HCN1: variants seen among roughly 807,000 people sequenced by gnomAD.
HCN1 encodes the protein potassium/sodium hyperpolarization-activated cyclic nucleotide-gated channel 1.
Under a neutral mutation model 78.9 loss-of-function variants are expected in HCN1, and 13 were observed. The ratio of observed to expected loss-of-function variants is 0.16; its 90% confidence interval spans 0.11 to 0.26. The LOEUF (loss-of-function observed/expected upper bound fraction) is 0.26. Among genes scored for constraint, HCN1 ranks in the 10% least tolerant of loss-of-function variants. The pLI, the probability that HCN1 is intolerant of heterozygous loss-of-function variation, is 1.00. For synonymous variants in HCN1, 552 were observed against 455.5 expected (o/e 1.21, Z -2.70); for missense variants, 810 against 1,154.3 (o/e 0.70, Z 4.32).
At chr5:45,348,518 A>T (rs1308470728) in intron 5 of HCN1, among the ~76,000 whole-genome samples, 4 of 152,222 alleles carry the variant, frequency 2.6e-5, no homozygotes, top group Non-Finnish European at 2.9e-5. Flanking sequence ...ACATAACGAT[A>T]TTAACTTTAA....
intron 5 of HCN1, among the ~76,000 whole-genome samples, chr5:45,332,152 C>G (rs959699515): frequency 6.7e-6 from 1 of 150,050 alleles, no homozygotes; most frequent in African/African-American, 2.4e-5. Flanking sequence ...AGAAGCTTTA[C>G]CTAGCACAGG....
chr5:45,621,081 C>A (rs1433640680), intron 2 of HCN1, among the ~76,000 whole-genome samples: 1 of 152,102 alleles, frequency 6.6e-6, no homozygotes, highest in African/African-American at 2.4e-5. Context: ...TCTTTTTCAC[C>A]AGCCTTCTCA....
chr5:45,519,391 C>T (rs1474766393), intron 2 of HCN1, among the ~76,000 whole-genome samples: 1 of 151,968 alleles, frequency 6.6e-6, no homozygotes, highest in Non-Finnish European at 1.5e-5. Flanking sequence ...CACACACTGT[C>T]CTTTCTAGAG....
chr5:45,629,477 T>A (rs1042549965), intron 2 of HCN1, among the ~76,000 whole-genome samples: 7 of 152,198 alleles, frequency 4.6e-5, no homozygotes, highest in South Asian at 2.1e-4. Context: ...CAGAGTAAGG[T>A]GTAAAACTCA....
At chr5:45,606,323 A>G (rs1561217813) in intron 2 of HCN1, among the ~76,000 whole-genome samples, 1 of 152,008 alleles carries the variant, frequency 6.6e-6, no homozygotes, top group Non-Finnish European at 1.5e-5. Flanking sequence ...GTGCATATAT[A>G]TGTATATCAT....
In HCN1 at chr5:45,578,308, T is replaced by A. The variant is rs77927497; in HGVS notation, c.849+66877A>T. 8.7e-4 allele frequency among the ~76,000 whole-genome samples: 132 copies of A among 152,022 alleles called. No individual in the cohort carries two copies. The East Asian group carries it at 0.02, about 23-fold the overall frequency. On this transcript the variant is annotated intron_variant, in intron 2 of 7. Coordinates refer to ENST00000303230, the MANE Select transcript of HCN1 (RefSeq NM_021072.4). Reference sequence around the variant, plus strand: ...GCTGGAAACATATTCCAAGCAGTGATTAGGCGGTCTCTTCTTGGAAGTGAA... The same window carrying A: ...GCTGGAAACATATTCCAAGCAGTGAATAGGCGGTCTCTTCTTGGAAGTGAA...
chr5:45,372,961 TAA>T (rs1209495056), intron 4 of HCN1, among the ~76,000 whole-genome samples: 1 of 136,594 alleles, frequency 7.3e-6, no homozygotes. Flanking sequence ...ATTTTATACA[TAA>T]AAGATATAAA....
intron 2 of HCN1, among the ~76,000 whole-genome samples, chr5:45,577,829 AC>A (rs1743980242): frequency 7.5e-6 from 1 of 133,124 alleles, no homozygotes; most frequent in African/African-American, 2.8e-5. Context: ...TGTTCTTTGA[AC>A]TGAATTTGAA....
At chr5:45,498,433 C>G (rs1212602243) in intron 2 of HCN1, among the ~76,000 whole-genome samples, 2 of 152,150 alleles carry the variant, frequency 1.3e-5, no homozygotes, top group Non-Finnish European at 2.9e-5. Flanking sequence ...GTTTTCAGCT[C>G]CATCAGCTCC....
chr5:45,629,024 ATATAT>A (rs1561225558), intron 2 of HCN1, among the ~76,000 whole-genome samples: 2 of 151,668 alleles, frequency 1.3e-5, no homozygotes, highest in Non-Finnish European at 2.9e-5. Context: ...ATTAAAAAAC[ATATAT>A]TATACAATTA....
chr5:45,640,723 C>T (rs1283746724), intron 2 of HCN1, among the ~76,000 whole-genome samples: 2 of 151,680 alleles, frequency 1.3e-5, no homozygotes, highest in Non-Finnish European at 2.9e-5. Context: ...TACAGGCACC[C>T]GCCACCATGC....
intron 2 of HCN1, among the ~76,000 whole-genome samples, chr5:45,520,336 T>C (rs557447360): frequency 1.8e-4 from 27 of 152,104 alleles, no homozygotes; most frequent in Middle Eastern, 3.4e-3. Flanking sequence ...TAGGGATTAA[T>C]TGGAAATTAA....
intron 4 of HCN1, among the ~76,000 whole-genome samples, chr5:45,373,190 GTATTTTATATATTTTATA>G (rs1244191663): frequency 8.7e-6 from 1 of 114,956 alleles, no homozygotes; most frequent in Non-Finnish European, 1.7e-5. Flanking sequence ...TGAAATATAT[GTATTTTATATATTTTATA>G]TATGTTATAT....
chr5:45,465,048 C>T (rs944393402), intron 2 of HCN1, among the ~76,000 whole-genome samples: 4 of 152,098 alleles, frequency 2.6e-5, no homozygotes, highest in Non-Finnish European at 5.9e-5. Context: ...ATAAGGTGGA[C>T]ATTCTTAAGT....
intron 6 of HCN1, among the ~76,000 whole-genome samples, chr5:45,275,012 G>A (rs1004110084): frequency 6.6e-6 from 1 of 152,098 alleles, no homozygotes; most frequent in Non-Finnish European, 1.5e-5. Flanking sequence ...TTGGGAGGCC[G>A]AGGGGGGCAG....
intron 2 of HCN1, among the ~76,000 whole-genome samples, chr5:45,545,258 C>T (rs1182803986): frequency 6.6e-6 from 1 of 152,104 alleles, no homozygotes; most frequent in Admixed American, 6.5e-5. Context: ...TGAGAAGTGT[C>T]TGTTCATATC....
intron 6 of HCN1, among the ~76,000 whole-genome samples, chr5:45,275,577 T>C (rs1320296237): frequency 6.6e-6 from 1 of 152,168 alleles, no homozygotes; most frequent in Non-Finnish European, 1.5e-5. Flanking sequence ...TGTAACTCCT[T>C]CAGCTTGCAT....
In HCN1 at chr5:45,371,908, A is replaced by ATTAT. The variant is rs1561127574; in HGVS notation, c.1231-18663_1231-18662insATAA. Among the ~76,000 whole-genome samples, 262 of 104,378 alleles carry ATTAT rather than the reference A, an allele frequency of 2.5e-3. 3 individuals carry two copies. The highest frequency in any genetic ancestry group is 9.6e-3 in the African/African-American group (244 of 25,388). The allele number at this position is 104,378 out of a possible 152,430, so 68.5% of individuals were successfully genotyped here. A position where few individuals can be genotyped will look rare whatever the true frequency, so the allele number is the denominator to read the frequency against. On this transcript the variant is annotated intron_variant, in intron 4 of 7. Coordinates refer to ENST00000303230, the MANE Select transcript of HCN1 (RefSeq NM_021072.4). Reference sequence around the variant, plus strand: ...ATAAATATAATATACATTATATTATAAAAAATATATAATATACATTATATT... The same window carrying ATTAT: ...ATAAATATAATATACATTATATTATATTATAAAAATATATAATATACATTATATT...
chr5:45,256,189 G>A lies in HCN1; in HGVS notation c.*5732C>T, dbSNP rs1744610094. ...GGTTCGAGACCGGCCTGGCCAACAT[G>A]GTAAAACCCTGTCTCTACTAAAAAT... On this transcript the variant is annotated 3_prime_UTR_variant, in exon 8 of 8. Transcript: ENST00000303230. The A allele has an allele frequency of 6.6e-6, 1 of 151,886 alleles. No homozygotes were observed. Among genetic ancestry groups the A allele is most frequent in the Admixed American group, 6.6e-5 (1 of 15,242 alleles). 9.4% of individuals were successfully genotyped at this position (151,886 alleles called of 1,614,324 possible).
Sources: allele counts gnomAD v4.1 joint callset (sites outside exome capture counted in the v4.1 genomes callset), GRCh38; gene constraint gnomAD v4.1.1; transcripts MANE v1.5; gene names NCBI Gene and HGNC (gene_info 2026-07-23, HGNC 2026-07-21).